SH2D4A: variants seen among roughly 807,000 people sequenced by gnomAD.
SH2D4A encodes SH2 domain containing 4A, also known as SH2 domain-containing protein 4A.
A neutral mutation model predicts 64.7 loss-of-function variants in SH2D4A; 70 were observed. That is an observed-to-expected ratio of 1.08 (90% CI 0.89 to 1.32). The LOEUF (loss-of-function observed/expected upper bound fraction) is 1.32, where lower values mean the gene tolerates loss of function less well. SH2D4A is among the 40% of genes most tolerant of loss of function. SH2D4A has a pLI of 0.00. For synonymous variants in SH2D4A, 268 were observed against 200.7 expected (o/e 1.34, Z -2.83); for missense variants, 706 against 540.1 (o/e 1.31, Z -3.04).
chr8:19,378,500 A>G (rs1203984302), intron 8 of SH2D4A, among the ~76,000 whole-genome samples: 1 of 152,100 alleles, frequency 6.6e-6, no homozygotes, highest in East Asian at 1.9e-4. Flanking sequence ...CAGTGGCACG[A>G]TCTTGGCATA....
rs377278188 is a variant in SH2D4A, at chr8:19,394,707, A to G, written c.*65A>G. The G allele has an allele frequency of 3.9e-5, 52 of 1,323,832 alleles. No individual in the cohort carries two copies. The African/African-American group carries it at 6.0e-4, about 15-fold the overall frequency. The allele number at this position is 1,323,832 out of a possible 1,614,324, so 82.0% of individuals were successfully genotyped here. On this transcript the variant is annotated 3_prime_UTR_variant, in exon 10 of 10. Coordinates refer to ENST00000265807, the MANE Select transcript of SH2D4A (RefSeq NM_022071.4). ...TTTCCCCTGGACAAATGCCACTGCA[A>G]CATTTATGTGTGAAGCCAAAATCAC...
intron 1 of SH2D4A, among the ~76,000 whole-genome samples, chr8:19,317,454 G>A (rs2052108755): frequency 6.6e-6 from 1 of 151,936 alleles, no homozygotes; most frequent in African/African-American, 2.4e-5. Context: ...TTTGGATTCT[G>A]GTAGTTGAAT....
intron 8 of SH2D4A, among the ~76,000 whole-genome samples, chr8:19,380,711 TA>T (rs1305984579): frequency 6.6e-6 from 1 of 152,222 alleles, no homozygotes; most frequent in Non-Finnish European, 1.5e-5. Context: ...CTGAGTTTTT[TA>T]TTATAATCTA....
chr8:19,348,776 T>C (rs2117249525), intron 4 of SH2D4A, among the ~76,000 whole-genome samples: 1 of 152,326 alleles, frequency 6.6e-6, no homozygotes, highest in Admixed American at 6.5e-5. Context: ...ATTAGCAAAA[T>C]AACACTTTAA....
At chr8:19,321,144 ACTT>A (rs2052183597) in intron 2 of SH2D4A, among the ~76,000 whole-genome samples, 2 of 152,218 alleles carry the variant, frequency 1.3e-5, no homozygotes, top group Non-Finnish European at 2.9e-5. Context: ...CCTTCACAAA[ACTT>A]CTGCAAAGTC....
intron 9 of SH2D4A, among the ~76,000 whole-genome samples, chr8:19,393,883 C>T (rs1291145449): frequency 6.6e-6 from 1 of 152,212 alleles, no homozygotes; most frequent in Non-Finnish European, 1.5e-5. Flanking sequence ...TCTCCATGGA[C>T]TCAGTGTTGG....
chr8:19,366,995 T>C (rs1351627453), intron 7 of SH2D4A, among the ~76,000 whole-genome samples: 1 of 152,236 alleles, frequency 6.6e-6, no homozygotes, highest in Non-Finnish European at 1.5e-5. Flanking sequence ...TTTATGATGG[T>C]ATGCTAATTT....
intron 8 of SH2D4A, among the ~76,000 whole-genome samples, chr8:19,376,422 G>A (rs992175624): frequency 6.6e-6 from 1 of 152,130 alleles, no homozygotes; most frequent in Non-Finnish European, 1.5e-5. Context: ...AGGAGTTTGA[G>A]ACCAGCCTGA....
intron 4 of SH2D4A, among the ~76,000 whole-genome samples, chr8:19,349,953 C>G (rs142485893): frequency 1.3e-5 from 2 of 152,172 alleles, no homozygotes; most frequent in Non-Finnish European, 2.9e-5. Context: ...ACCTGCCCAC[C>G]TTGGCCTCCC....
At chr8:19,371,079 GT>G (rs1291237550) in intron 7 of SH2D4A, among the ~76,000 whole-genome samples, 1 of 151,940 alleles carries the variant, frequency 6.6e-6, no homozygotes, top group African/African-American at 2.4e-5. Context: ...TGTTATTAAA[GT>G]TATTTTTGAT....
chr8:19,344,700 G>C (rs1428655659), intron 4 of SH2D4A, among the ~76,000 whole-genome samples: 1 of 152,168 alleles, frequency 6.6e-6, no homozygotes, highest in Admixed American at 6.5e-5. Flanking sequence ...TACCCCTGTA[G>C]GCTGTCGGGT....
At chr8:19,393,121 T>A (rs575941448) in intron 8 of SH2D4A, among the ~76,000 whole-genome samples, 197 bp from the exon 9 acceptor site, 15 of 152,314 alleles carry the variant, frequency 9.8e-5, no homozygotes, top group Admixed American at 9.2e-4. Flanking sequence ...AGTTTGCCTC[T>A]ATAACCTGTT....
chr8:19,394,553 G>T lies in SH2D4A; in HGVS notation c.1276G>T (p.Glu426Ter). The T allele has an allele frequency of 6.2e-7, 1 of 1,604,124 alleles. No homozygotes were observed. The highest frequency in any genetic ancestry group is 8.5e-7 in the Non-Finnish European group (1 of 1,174,268). ...LADLVEYHKE[E>*]PITSLGKELL... ...CCCCGTGCCTTCTGATTGACAGGAGGAACCCATCACTTCCCTGGGGAAGGA... is the reference window on the plus strand; with the variant it reads ...CCCCGTGCCTTCTGATTGACAGGAGTAACCCATCACTTCCCTGGGGAAGGA... Residue 426 changes from glutamate (E) to a stop codon, truncating the protein, a stop_gained, in exon 10 of 10, where the codon GAA (glutamate) becomes TAA (stop). Transcript: ENST00000265807. LOFTEE classifies it high-confidence loss of function.
chr8:19,386,263 T>A (rs993548512), intron 8 of SH2D4A, among the ~76,000 whole-genome samples: 2 of 152,214 alleles, frequency 1.3e-5, no homozygotes, highest in Admixed American at 1.3e-4. Context: ...CTGGAGAAGA[T>A]GAAACAAAGA....
intron 8 of SH2D4A, among the ~76,000 whole-genome samples, chr8:19,383,240 T>C (rs75817548): frequency 0.17 from 26,019 of 151,980 alleles, 2,577 homozygotes; most frequent in African/African-American, 0.27. Flanking sequence ...CACTTTTCTT[T>C]ATTTTGTTCT....
Position 19,313,784 on chromosome 8 carries a change from C to A in SH2D4A, c.-244C>A. 1 of 1,511,924 alleles carries A rather than the reference C, an allele frequency of 6.6e-7. No individual in the cohort carries two copies. The highest frequency in any genetic ancestry group is 1.4e-5 in the African/African-American group (1 of 70,010). 93.7% of individuals were successfully genotyped at this position (1,511,924 alleles called of 1,614,324 possible). A position where few individuals can be genotyped will look rare whatever the true frequency, so the allele number is the denominator to read the frequency against. Reference sequence around the variant, plus strand: ...GCTTCTGGCGGCCAAGTGGATGTGGCGGGTGATCGAGCCACCCTGCCCAGG... The same window carrying A: ...GCTTCTGGCGGCCAAGTGGATGTGGAGGGTGATCGAGCCACCCTGCCCAGG... On this transcript the variant is annotated 5_prime_UTR_variant, in exon 1 of 10. Transcript: ENST00000265807.
chr8:19,358,491 C>T (rs991028465), intron 5 of SH2D4A, among the ~76,000 whole-genome samples: 6 of 152,022 alleles, frequency 3.9e-5, no homozygotes, highest in African/African-American at 1.4e-4. Context: ...TCTGGGAAGG[C>T]AGTATTGGAG....
chr8:19,326,114 A>C (rs548679211), intron 2 of SH2D4A, among the ~76,000 whole-genome samples: 57 of 152,320 alleles, frequency 3.7e-4, no homozygotes, highest in Non-Finnish European at 6.8e-4. Flanking sequence ...TTTTGCCATC[A>C]CTCATGCAGA....
chr8:19,371,963 T>G (rs886886471), intron 7 of SH2D4A, among the ~76,000 whole-genome samples: 23 of 152,172 alleles, frequency 1.5e-4, no homozygotes, highest in African/African-American at 5.5e-4. Context: ...TTTGTTGAGC[T>G]TTCTTAAAAC....
Sources: gnomAD v4.1 joint callset for allele counts (sites outside exome capture counted in the v4.1 genomes callset) on GRCh38, gnomAD v4.1.1 for gene constraint, MANE v1.5 for transcripts, NCBI Gene and HGNC (gene_info 2026-07-23, HGNC 2026-07-21) for gene names.